Variants in ELL observed in about 807,000 individuals in gnomAD.
The protein encoded by ELL is RNA polymerase II elongation factor ELL.
Under a neutral mutation model 64.0 loss-of-function variants are expected in ELL, and 18 were observed. The observed-to-expected ratio is 0.28, with a 90% CI of 0.19 to 0.42. The LOEUF is 0.42. Ranked by LOEUF, ELL falls within the 10% of genes least tolerant of loss-of-function variation. The pLI, the probability that ELL is intolerant of heterozygous loss-of-function variation, is 1.00. For synonymous variants in ELL, 399 were observed against 376.2 expected (o/e 1.06, Z -0.70); for missense variants, 797 against 870.4 (o/e 0.92, Z 1.06).
At position 18,463,325 on chromosome 19, in the gene ELL, C is replaced by CTTTT. The variant is rs34610795; in HGVS notation, c.470-1477_470-1474dup. On this transcript the variant is annotated intron_variant, in intron 4 of 11. Transcript: ENST00000262809. ...GACAGAGGAACACGCACATTCACAT[C>CTTTT]TTTTTTTTTTTTTTTTTTTTTTTTT... 7.1e-4 allele frequency among the ~76,000 whole-genome samples: 52 copies of CTTTT among 73,274 alleles called. 1 individual carries two copies. Among genetic ancestry groups the CTTTT allele is most frequent in the African/African-American group, 3.6e-3 (42 of 11,796 alleles). 48.1% of individuals were successfully genotyped at this position (73,274 alleles called of 152,430 possible).
chr19:18,466,599 G>A (rs1974940834), intron 2 of ELL, among the ~76,000 whole-genome samples: 1 of 152,220 alleles, frequency 6.6e-6, no homozygotes, highest in East Asian at 1.9e-4. Flanking sequence ...GGACAGCCAG[G>A]GGCAGGCAGG....
chr19:18,467,034 A>C (rs1320327230), intron 2 of ELL, among the ~76,000 whole-genome samples: 1 of 152,154 alleles, frequency 6.6e-6, no homozygotes, highest in East Asian at 1.9e-4. Flanking sequence ...GTGGAGGAGC[A>C]CCAATCCCCG....
chr19:18,499,433 C>T (rs1975734331), intron 1 of ELL, among the ~76,000 whole-genome samples: 1 of 152,198 alleles, frequency 6.6e-6, no homozygotes, highest in Admixed American at 6.5e-5. Context: ...CCGTGACCTC[C>T]AGCATCTGCC....
At chr19:18,457,812 C>T (rs1974715022) in intron 6 of ELL, among the ~76,000 whole-genome samples, 1 of 152,188 alleles carries the variant, frequency 6.6e-6, no homozygotes, top group African/African-American at 2.4e-5. Context: ...CTCTCTACTT[C>T]AGGTTCTTGA....
chr19:18,465,273 T>G, intron 4 of ELL, 139 bp downstream of exon 4: 1 of 1,258,652 alleles, frequency 7.9e-7, no homozygotes, highest in South Asian at 1.6e-5. Flanking sequence ...AGGCACGTCC[T>G]GCTCAGGGAC....
At chr19:18,496,597 G>A (rs1013706687) in intron 1 of ELL, among the ~76,000 whole-genome samples, 1 of 152,098 alleles carries the variant, frequency 6.6e-6, no homozygotes, top group Non-Finnish European at 1.5e-5. Context: ...GGTTGGAGGC[G>A]TGGAGTAGGG....
chr19:18,510,976 G>A (rs1976008070), intron 1 of ELL, among the ~76,000 whole-genome samples: 1 of 152,044 alleles, frequency 6.6e-6, no homozygotes, highest in African/African-American at 2.4e-5. Flanking sequence ...ATAAAAATTA[G>A]CTACGCATGG....
intron 1 of ELL, among the ~76,000 whole-genome samples, chr19:18,474,103 C>G (rs773099346): frequency 1.2e-4 from 19 of 152,242 alleles, no homozygotes; most frequent in Admixed American, 6.5e-5. Flanking sequence ...TGGAGCCACT[C>G]AGCACTGTTC....
chr19:18,509,593 GCACATACACACACA>G (rs1216069546), intron 1 of ELL, among the ~76,000 whole-genome samples: 3,119 of 83,226 alleles, frequency 0.037, 202 homozygotes, highest in African/African-American at 0.05. Flanking sequence ...GCGCGCGCGC[GCACATACACACACA>G]CACACACACA....
chr19:18,509,593 GCACATACACACACACACACACACA>G (rs1299572487), intron 1 of ELL, among the ~76,000 whole-genome samples: 1,291 of 83,272 alleles, frequency 0.016, 81 homozygotes, highest in African/African-American at 0.039. Context: ...GCGCGCGCGC[GCACATACACACACACACACACACA>G]CACACACACA....
rs749465355 is a variant in ELL at position 18,447,483 on chromosome 19, A to G, written c.1466-669T>C. On this transcript the variant is annotated intron_variant, in intron 8 of 11. Transcript: ENST00000262809. ...CCACCCCAATCGGCCATCCATGAGC[A>G]AAGTGTCCATGATGACGCTCAGCCC... Among the ~76,000 whole-genome samples, 152 of 152,378 alleles carry G rather than the reference A, an allele frequency of 1.0e-3. 1 individual carries two copies. The highest frequency in any genetic ancestry group is 7.6e-4 in the Non-Finnish European group (52 of 68,040).
intron 1 of ELL, among the ~76,000 whole-genome samples, chr19:18,502,654 G>A (rs1184183979): frequency 1.3e-5 from 2 of 152,202 alleles, no homozygotes; most frequent in African/African-American, 4.8e-5. Context: ...AAGAGACGGT[G>A]TTTAAATGAG....
At chr19:18,484,069 C>T (rs1341758770) in intron 1 of ELL, among the ~76,000 whole-genome samples, 3 of 152,238 alleles carry the variant, frequency 2.0e-5, no homozygotes, top group African/African-American at 7.2e-5. Context: ...ACTCCATGGG[C>T]ACCTGGGCCA....
intron 1 of ELL, among the ~76,000 whole-genome samples, chr19:18,487,551 C>A (rs1326439669): frequency 1.3e-5 from 2 of 152,224 alleles, no homozygotes; most frequent in Non-Finnish European, 2.9e-5. Context: ...GAGACAGAAC[C>A]TGATGTGGCC....
At position 18,465,376 on chromosome 19, in the gene ELL, C is replaced by T. The variant is rs554404335; in HGVS notation, c.469+36G>A. The T allele has an allele frequency of 5.2e-6, 8 of 1,551,790 alleles. No homozygotes were observed. The African/African-American group carries it at 5.4e-5, about 11-fold the overall frequency. ...ATGTCTCCCGACACTGGCAGCTGCC[C>T]GGCTGCCCTACAGCCCTGCCAAACC... On this transcript the variant is annotated intron_variant, in intron 4 of 11. Transcript: ENST00000262809.
intron 1 of ELL, among the ~76,000 whole-genome samples, chr19:18,516,164 C>T (rs1032770501): frequency 6.6e-6 from 1 of 152,152 alleles, no homozygotes; most frequent in Non-Finnish European, 1.5e-5. Flanking sequence ...AAGGCTCCTC[C>T]TGCCACCGGT....
intron 1 of ELL, among the ~76,000 whole-genome samples, chr19:18,478,551 G>A (rs10426768): frequency 6.6e-6 from 1 of 152,006 alleles, no homozygotes; most frequent in Non-Finnish European, 1.5e-5. Context: ...TATGGAACTG[G>A]GAGCTCCTGA....
At chr19:18,481,688 C>T (rs1016625252) in intron 1 of ELL, among the ~76,000 whole-genome samples, 5 of 152,212 alleles carry the variant, frequency 3.3e-5, no homozygotes, top group Admixed American at 6.5e-5. Context: ...CTCAGCATGA[C>T]GCCTTTGAGA....
intron 1 of ELL, among the ~76,000 whole-genome samples, chr19:18,492,419 C>T (rs1975552174): frequency 6.6e-6 from 1 of 152,146 alleles, no homozygotes; most frequent in African/African-American, 2.4e-5. Context: ...CATTTCCTTC[C>T]ATTTGAAACA....
Sources: allele counts gnomAD v4.1 joint callset (sites outside exome capture counted in the v4.1 genomes callset), GRCh38; gene constraint gnomAD v4.1.1; transcripts MANE v1.5; gene names NCBI Gene and HGNC (gene_info 2026-07-23, HGNC 2026-07-21).